LIPH: variants seen among roughly 807,000 people sequenced by gnomAD.
LIPH encodes lipase H.
In LIPH, 32 loss-of-function variants were observed where a neutral mutation model predicts 47.6. The ratio of observed to expected loss-of-function variants is 0.67; its 90% CI spans 0.51 to 0.90. LIPH has a LOEUF of 0.90. Ranked by LOEUF, LIPH falls within the 40% of genes least tolerant of loss-of-function variation. The pLI, the probability that LIPH is intolerant of heterozygous loss-of-function variation, is 0.00. For synonymous variants in LIPH, 190 were observed against 195.6 expected (o/e 0.97, Z 0.24); for missense variants, 497 against 541.4 (o/e 0.92, Z 0.81).
chr3:185,514,291 T>C (rs1186178398), intron 8 of LIPH, 119 bp downstream of exon 8: 1 of 697,664 alleles, frequency 1.4e-6, no homozygotes, highest in East Asian at 2.7e-5. Flanking sequence ...TCCCCTTATA[T>C]CTTTTATAGA....
At chr3:185,514,886 G>A (rs1384121538) in intron 7 of LIPH, among the ~76,000 whole-genome samples, 3 of 152,086 alleles carry the variant, frequency 2.0e-5, no homozygotes, top group African/African-American at 4.8e-5. Context: ...GGGCTGAGAC[G>A]GTTTTCCACA....
chr3:185,534,990 G>A lies in LIPH; in HGVS notation c.192C>T (p.Asn64=). Reference sequence around the variant, plus strand: ...AGGTGGTTTTCTTGGTCACATTCAAGTTCCCAAAAGCTGAGGAGTTGATGG... The same window carrying A: ...AGGTGGTTTTCTTGGTCACATTCAAATTCCCAAAAGCTGAGGAGTTGATGG... ...AQTINSSAFG[N]LNVTKKTTFI... Residue 64 remains asparagine (N), a synonymous_variant, in exon 2 of 10, where the codon AAC becomes AAT. Coordinates refer to ENST00000296252, the MANE Select transcript of LIPH (RefSeq NM_139248.3). 3 of 1,613,888 alleles carry A rather than the reference G, an allele frequency of 1.9e-6. No individual in the cohort carries two copies. Among genetic ancestry groups the A allele is most frequent in the Non-Finnish European group, 1.7e-6 (2 of 1,179,906 alleles).
intron 5 of LIPH, among the ~76,000 whole-genome samples, chr3:185,519,911 C>T (rs529929255): frequency 1.4e-5 from 2 of 144,536 alleles, no homozygotes; most frequent in African/African-American, 5.1e-5. Context: ...CTTTCACTGT[C>T]ATCCAATGCT....
chr3:185,531,569 A>G (rs572779333), intron 3 of LIPH, among the ~76,000 whole-genome samples: 2 of 150,992 alleles, frequency 1.3e-5, no homozygotes, highest in Non-Finnish European at 3.0e-5. Flanking sequence ...AAAAAAAAAA[A>G]AAAAGAAGAA....
In LIPH at chr3:185,508,793, C is replaced by A. The variant is rs1719461672; in HGVS notation, c.1353G>T (p.Leu451Phe). Reference sequence around the variant, plus strand: ...TGGCCATGTGTCCTGGCAACAGTTACAACTGCAACTCTGGGCAAAGAATAG... The same window carrying A: ...TGGCCATGTGTCCTGGCAACAGTTAAAACTGCAACTCTGGGCAAAGAATAG... ...FQPILCPELQ[L>F] The change falls in exon 10 of 10, where the codon TTG becomes TTT. Residue 451 changes from leucine to phenylalanine, a missense_variant. Coordinates refer to ENST00000296252, the MANE Select transcript of LIPH (RefSeq NM_139248.3). 1 of 1,610,646 alleles carries A rather than the reference C, an allele frequency of 6.2e-7. No individual in the cohort carries two copies. Among genetic ancestry groups the A allele is most frequent in the African/African-American group, 1.3e-5 (1 of 74,836 alleles).
intron 1 of LIPH, among the ~76,000 whole-genome samples, chr3:185,536,946 G>A (rs1020756040): frequency 3.9e-5 from 6 of 152,138 alleles, no homozygotes; most frequent in Non-Finnish European, 7.4e-5. Context: ...GTGCAGTGGT[G>A]CAATCTCGGC....
chr3:185,545,908 C>G (rs982877499), intron 1 of LIPH, among the ~76,000 whole-genome samples: 1 of 152,004 alleles, frequency 6.6e-6, no homozygotes, highest in Non-Finnish European at 1.5e-5. Flanking sequence ...GTAATCCCAG[C>G]ACTTTGGGAG....
At chr3:185,512,962 G>C (rs1719617438) in intron 8 of LIPH, among the ~76,000 whole-genome samples, 1 of 152,134 alleles carries the variant, frequency 6.6e-6, no homozygotes. Flanking sequence ...AGAGCTCCCT[G>C]GAGAAATGGT....
intron 1 of LIPH, among the ~76,000 whole-genome samples, chr3:185,544,263 C>A (rs1310602608): frequency 6.6e-6 from 1 of 152,092 alleles, no homozygotes; most frequent in East Asian, 1.9e-4. Context: ...CATACTCTTT[C>A]CTTCAGGAAA....
rs1269169614 is a variant in LIPH, at chr3:185,507,075, T to G, written c.*1715A>C. On this transcript the variant is annotated 3_prime_UTR_variant, in exon 10 of 10. Transcript: ENST00000296252. Reference sequence around the variant, plus strand: ...TTATAGATTTCTTTAATTTATGACATAGAGAATCCATTTTTGGCCGGGTGT... The same window carrying G: ...TTATAGATTTCTTTAATTTATGACAGAGAGAATCCATTTTTGGCCGGGTGT... 1.3e-5 allele frequency: 2 copies of G among 152,038 alleles called. No homozygotes were observed. The highest frequency in any genetic ancestry group is 4.8e-5 in the African/African-American group (2 of 41,398). 9.4% of individuals were successfully genotyped at this position (152,038 alleles called of 1,614,324 possible). A position where few individuals can be genotyped will look rare whatever the true frequency, so the allele number is the denominator to read the frequency against.
At chr3:185,515,713 T>G (rs1719710300) in intron 7 of LIPH, among the ~76,000 whole-genome samples, 1 of 152,134 alleles carries the variant, frequency 6.6e-6, no homozygotes, top group African/African-American at 2.4e-5. Flanking sequence ...GTATTTTTAG[T>G]AGAGATGGGG....
At chr3:185,526,583 GATAAA>G (rs10588006) in intron 4 of LIPH, among the ~76,000 whole-genome samples, 71,836 of 121,872 alleles carry the variant, frequency 0.59, 19,750 homozygotes, top group South Asian at 0.74. Flanking sequence ...ATAAAAATAA[GATAAA>G]ATAAAATAAA....
intron 1 of LIPH, among the ~76,000 whole-genome samples, chr3:185,550,925 C>T (rs996017241): frequency 6.6e-6 from 1 of 152,106 alleles, no homozygotes; most frequent in African/African-American, 2.4e-5. Flanking sequence ...GTGGCTCACA[C>T]CTGTAATCCC....
chr3:185,548,704 G>A (rs1174488581), intron 1 of LIPH, among the ~76,000 whole-genome samples: 2 of 151,884 alleles, frequency 1.3e-5, no homozygotes, highest in Admixed American at 1.3e-4. Context: ...TCTAGCCTGG[G>A]CGAGACAGAG....
chr3:185,527,301 A>T (rs1167212105), intron 4 of LIPH, among the ~76,000 whole-genome samples, 183 bp downstream of exon 4: 17 of 152,026 alleles, frequency 1.1e-4, no homozygotes, highest in Admixed American at 9.8e-4. Flanking sequence ...GCTCTAGCAC[A>T]AGGTCCTGGG....
chr3:185,523,836 C>T (rs965503191), intron 5 of LIPH, among the ~76,000 whole-genome samples: 2 of 152,052 alleles, frequency 1.3e-5, no homozygotes, highest in African/African-American at 4.8e-5. Flanking sequence ...GATTCTCTTG[C>T]CTCAGCCTCC....
chr3:185,522,539 AAG>A (rs1444697751), intron 5 of LIPH, among the ~76,000 whole-genome samples: 2 of 150,330 alleles, frequency 1.3e-5, no homozygotes, highest in Non-Finnish European at 3.0e-5. Context: ...GGAAGGAAGG[AAG>A]AGAGGAAGAA....
At chr3:185,542,474 G>A (rs551283944) in intron 1 of LIPH, among the ~76,000 whole-genome samples, 13 of 151,894 alleles carry the variant, frequency 8.6e-5, no homozygotes, top group African/African-American at 3.1e-4. Context: ...CTGCCACCAC[G>A]TTCTGCTAAT....
At chr3:185,552,070 T>C (rs949323661) in intron 1 of LIPH, among the ~76,000 whole-genome samples, 1 of 151,998 alleles carries the variant, frequency 6.6e-6, no homozygotes, top group Non-Finnish European at 1.5e-5. Context: ...ATCATCTCAT[T>C]TCACAGAACT....
Sources: gnomAD v4.1 joint callset for allele counts (sites outside exome capture counted in the v4.1 genomes callset) on GRCh38, gnomAD v4.1.1 for gene constraint, MANE v1.5 for transcripts, NCBI Gene and HGNC (gene_info 2026-07-23, HGNC 2026-07-21) for gene names.